MATCAP2: variants seen among roughly 807,000 people sequenced by gnomAD.
The protein encoded by MATCAP2 is microtubule associated tyrosine carboxypeptidase 2, also known as putative tyrosine carboxypeptidase MATCAP2.
the MATCAP2 span, chr7:36,366,610 T>C: frequency 7.0e-7 from 1 of 1,433,874 alleles, no homozygotes; most frequent in Non-Finnish European, 9.4e-7. Context: ...TGTTTTGAAA[T>C]AGGATTTAAC....
chr7:36,386,557 G>A, the MATCAP2 span, among the ~76,000 whole-genome samples: 964 of 151,638 alleles, frequency 6.4e-3, 8 homozygotes, highest in African/African-American at 0.022. Flanking sequence ...TTGGCAAGCC[G>A]AAAAACCAAC....
At chr7:36,389,273 GGCTGGTCTTGAACTCCTGACCTC>G in the MATCAP2 span, among the ~76,000 whole-genome samples, 1 of 152,126 alleles carries the variant, frequency 6.6e-6, no homozygotes. Context: ...ATGTTGGCAA[GGCTGGTCTTGAACTCCTGACCTC>G]GTGATCTGCC....
chr7:36,367,273 G>A, the MATCAP2 span: 2 of 1,047,106 alleles, frequency 1.9e-6, no homozygotes, highest in Middle Eastern at 4.4e-4. Flanking sequence ...TGCGCTTCAC[G>A]GAGCCTGCGC....
the MATCAP2 span, among the ~76,000 whole-genome samples, chr7:36,369,029 A>G: frequency 3.9e-5 from 6 of 152,174 alleles, 1 homozygote; most frequent in Middle Eastern, 0.017. Context: ...CTAATTTATT[A>G]TATATTTTAT....
At chr7:36,353,469 C>T in the MATCAP2 span, among the ~76,000 whole-genome samples, 1 of 144,838 alleles carries the variant, frequency 6.9e-6, no homozygotes, top group Non-Finnish European at 1.5e-5. Context: ...GAAGATACTC[C>T]CTGTTTATGC....
the MATCAP2 span, among the ~76,000 whole-genome samples, chr7:36,343,686 AGAAG>A: frequency 1.9e-4 from 29 of 151,064 alleles, no homozygotes; most frequent in African/African-American, 3.6e-4. Flanking sequence ...AAGGAAGGAA[AGAAG>A]GAAGGAAGGA....
chr7:36,337,124 A>AAAAAAAAAAAAAAAAAAAAAC, the MATCAP2 span, among the ~76,000 whole-genome samples: 2 of 145,212 alleles, frequency 1.4e-5, no homozygotes, highest in Non-Finnish European at 3.0e-5. Context: ...AAAAAAAAAA[A>AAAAAAAAAAAAAAAAAAAAAC]AGCAATCAGT....
chr7:36,365,556 C>T, the MATCAP2 span, among the ~76,000 whole-genome samples: 2 of 152,080 alleles, frequency 1.3e-5, no homozygotes, highest in African/African-American at 4.8e-5. Context: ...AAAAATCCGG[C>T]GGGCGTGGTA....
chr7:36,329,409 G>A, the MATCAP2 span, among the ~76,000 whole-genome samples: 1 of 152,134 alleles, frequency 6.6e-6, no homozygotes, highest in Non-Finnish European at 1.5e-5. Context: ...AGAAGCAAGA[G>A]TACCCCAGTA....
At chr7:36,384,214 A>G in the MATCAP2 span, among the ~76,000 whole-genome samples, 2 of 152,196 alleles carry the variant, frequency 1.3e-5, no homozygotes, top group Non-Finnish European at 2.9e-5. Context: ...GTTTAAAAGA[A>G]CAGGTCTTGG....
At chr7:36,356,119 A>G in the MATCAP2 span, 1 of 152,238 alleles carries the variant, frequency 6.6e-6, no homozygotes, top group Non-Finnish European at 1.5e-5. Flanking sequence ...ATGGACAAGA[A>G]TCAAGCTTCG....
At chr7:36,345,554 A>T in the MATCAP2 span, among the ~76,000 whole-genome samples, 1 of 152,196 alleles carries the variant, frequency 6.6e-6, no homozygotes, top group African/African-American at 2.4e-5. Flanking sequence ...CTGTCATCTC[A>T]GGATCCTGAA....
At chr7:36,381,543 C>A in the MATCAP2 span, among the ~76,000 whole-genome samples, 1 of 151,726 alleles carries the variant, frequency 6.6e-6, no homozygotes, top group African/African-American at 2.4e-5. Flanking sequence ...TGGTGGTGGG[C>A]ACCTGTAATC....
chr7:36,346,937 T>A, the MATCAP2 span, among the ~76,000 whole-genome samples: 2 of 152,100 alleles, frequency 1.3e-5, no homozygotes, highest in East Asian at 3.9e-4. Flanking sequence ...ATTTTTATAT[T>A]TTTAGTAGAG....
the MATCAP2 span, chr7:36,366,995 G>C: frequency 9.7e-3 from 12,747 of 1,316,018 alleles, 58 homozygotes; most frequent in Non-Finnish European, 0.011. Flanking sequence ...AAAGGGCCGC[G>C]CAGGGGCGGG....
chr7:36,346,753 TTTTA>T, the MATCAP2 span, among the ~76,000 whole-genome samples: 7 of 152,188 alleles, frequency 4.6e-5, no homozygotes, highest in African/African-American at 1.7e-4. Context: ...TGTACTCTAG[TTTTA>T]TTTATTTTAT....
At chr7:36,385,060 C>T in the MATCAP2 span, among the ~76,000 whole-genome samples, 63,359 of 151,862 alleles carry the variant, frequency 0.42, 14,069 homozygotes, top group South Asian at 0.63. Context: ...AAAAAGATCC[C>T]TCTCTATAAA....
At chr7:36,366,606 G>C in the MATCAP2 span, 1 of 1,416,756 alleles carries the variant, frequency 7.1e-7, no homozygotes, top group South Asian at 1.3e-5. Flanking sequence ...AGCGTGTTTT[G>C]AAATAGGATT....
the MATCAP2 span, among the ~76,000 whole-genome samples, chr7:36,327,681 C>T: frequency 1.3e-5 from 2 of 152,216 alleles, no homozygotes; most frequent in Non-Finnish European, 2.9e-5. Context: ...AATGCAAAAT[C>T]TGAAATGCTG....
Sources: gnomAD v4.1 joint callset for allele counts (sites outside exome capture counted in the v4.1 genomes callset) on GRCh38, gnomAD v4.1.1 for gene constraint, MANE v1.5 for transcripts, NCBI Gene and HGNC (gene_info 2026-07-23, HGNC 2026-07-21) for gene names.